The following ITPR2 variants were observed in gnomAD, a reference collection of about 807,000 sequenced individuals.
ITPR2 encodes inositol 1,4,5-trisphosphate receptor type 2, also known as inositol 1,4,5-trisphosphate-gated calcium channel ITPR2.
ITPR2 carries 207 observed loss-of-function variants against 317.1 expected under a neutral mutation model. The ratio of observed to expected loss-of-function variants is 0.65; its 90% CI spans 0.58 to 0.73. The LOEUF is 0.73. Among genes scored for constraint, ITPR2 ranks in the 30% least tolerant of loss-of-function variants. ITPR2 has a pLI of 0.00. For synonymous variants in ITPR2, 1,156 were observed against 1,149.1 expected, an observed-to-expected ratio of 1.01 and a Z score of -0.12; for missense variants, 2,613 against 3,284.0, an observed-to-expected ratio of 0.80 and a Z score of 4.99.
At chr12:26,832,548 C>T in intron 1 of ITPR2, 142 bp downstream of exon 1, 1 of 538,830 alleles carries the variant, frequency 1.9e-6, no homozygotes, top group Non-Finnish European at 3.2e-6. Flanking sequence ...GAGCGGAGCG[C>T]ACGGCGCTGT....
intron 55 of ITPR2, among the ~76,000 whole-genome samples, chr12:26,361,059 C>CA: frequency 6.6e-6 from 1 of 151,828 alleles, no homozygotes; most frequent in Non-Finnish European, 1.5e-5. Flanking sequence ...ACTAAAAATA[C>CA]AAAAAATTAG....
At chr12:26,728,636 A>G (rs191083387) in intron 2 of ITPR2, among the ~76,000 whole-genome samples, 1 of 152,148 alleles carries the variant, frequency 6.6e-6, no homozygotes, top group Non-Finnish European at 1.5e-5. Flanking sequence ...TTTAGAACAC[A>G]TTTTTAAAAA....
intron 1 of ITPR2, among the ~76,000 whole-genome samples, chr12:26,830,793 G>A (rs893276301): frequency 5.9e-5 from 9 of 152,010 alleles, no homozygotes; most frequent in Admixed American, 3.3e-4. Flanking sequence ...ATGGCTCACC[G>A]TCACCAAGGC....
chr12:26,661,421 C>T (rs1947501630), intron 15 of ITPR2, among the ~76,000 whole-genome samples: 1 of 152,058 alleles, frequency 6.6e-6, no homozygotes, highest in Non-Finnish European at 1.5e-5. Context: ...AGAGACAGAA[C>T]TGACACCAGG....
In ITPR2 at chr12:26,656,359, G is replaced by T. The variant is rs774959293; in HGVS notation, c.2382C>A (p.Ser794=). 6.2e-7 allele frequency: 1 copy of T among 1,614,168 alleles called. No homozygotes were observed. The highest frequency in any genetic ancestry group is 2.2e-5 in the East Asian group (1 of 44,876). The change falls in exon 19 of 57, where the codon TCC becomes TCA. Residue 794 remains serine (S), a synonymous_variant. Coordinates refer to ENST00000381340, the MANE Select transcript of ITPR2 (RefSeq NM_002223.4). The part of the protein sequence containing the change: ...HMHVDRDPQE[S]VVPVRYARLW... ...GCCTGGCATAGCGAACAGGCACCAC[G>T]GACTCCTGGGGATCCCGGTCAACGT...
chr12:26,820,601 A>G (rs2137291214), intron 1 of ITPR2, among the ~76,000 whole-genome samples: 1 of 152,342 alleles, frequency 6.6e-6, no homozygotes, highest in African/African-American at 2.4e-5. Context: ...TTACCATATG[A>G]CCCAGAAATT....
chr12:26,729,453 G>A (rs779518487), intron 2 of ITPR2, among the ~76,000 whole-genome samples: 1 of 152,136 alleles, frequency 6.6e-6, no homozygotes, highest in Non-Finnish European at 1.5e-5. Flanking sequence ...TCATTACTGG[G>A]TATATGCCCA....
Position 26,774,148 on chromosome 12 carries a change from A to C in ITPR2, c.163+16009T>G, listed in dbSNP as rs78207409. On this transcript the variant is annotated intron_variant, in intron 2 of 56. Coordinates refer to ENST00000381340, the MANE Select transcript of ITPR2 (RefSeq NM_002223.4). Reference sequence around the variant, plus strand: ...TTTTTGTCTTCTGTTATTTAAACTAAAGATTTGTTAGAATCCATACTGACA... The same window carrying C: ...TTTTTGTCTTCTGTTATTTAAACTACAGATTTGTTAGAATCCATACTGACA... 5.2e-3 allele frequency among the ~76,000 whole-genome samples: 789 copies of C among 152,250 alleles called. 9 individuals are homozygous for C. The highest frequency in any genetic ancestry group is 0.018 in the African/African-American group (749 of 41,542).
intron 21 of ITPR2, among the ~76,000 whole-genome samples, chr12:26,635,604 T>C (rs995118618): frequency 4.6e-5 from 7 of 152,214 alleles, no homozygotes; most frequent in Non-Finnish European, 1.0e-4. Flanking sequence ...AAACTATTAT[T>C]TTCCCTGAAA....
At chr12:26,573,096 C>T (rs1200190806) in intron 34 of ITPR2, among the ~76,000 whole-genome samples, 1 of 151,780 alleles carries the variant, frequency 6.6e-6, no homozygotes, top group Non-Finnish European at 1.5e-5. Context: ...GCGAACATAG[C>T]TCATTGAAGC....
chr12:26,508,949 T>C lies in ITPR2; in HGVS notation c.5074-13689A>G, dbSNP rs147427002. On this transcript the variant is annotated intron_variant, in intron 37 of 56. Transcript: ENST00000381340. Reference sequence around the variant, plus strand: ...CCACACAAGAACTTGTACAGAATGTTCATTGTGGCATGATCCATAATAGTA... The same window carrying C: ...CCACACAAGAACTTGTACAGAATGTCCATTGTGGCATGATCCATAATAGTA... 1.2e-4 allele frequency among the ~76,000 whole-genome samples: 19 copies of C among 152,358 alleles called. No individual in the cohort carries two copies. In the East Asian group the frequency reaches 3.7e-3, roughly 29 times the overall value.
intron 2 of ITPR2, among the ~76,000 whole-genome samples, chr12:26,777,412 A>G (rs1949993634): frequency 6.6e-6 from 1 of 152,234 alleles, no homozygotes; most frequent in Admixed American, 6.5e-5. Flanking sequence ...TAGTAGGAAC[A>G]ACAGTCACTC....
intron 15 of ITPR2, among the ~76,000 whole-genome samples, chr12:26,661,354 T>G (rs1285403355): frequency 6.7e-6 from 1 of 149,812 alleles, no homozygotes; most frequent in East Asian, 2.0e-4. Flanking sequence ...ACGCACACAC[T>G]GATCCCTGGC....
chr12:26,440,066 G>A (rs1014033587), intron 46 of ITPR2, among the ~76,000 whole-genome samples: 2 of 152,150 alleles, frequency 1.3e-5, no homozygotes, highest in Admixed American at 6.5e-5. Context: ...TAACCCAAAC[G>A]AGTAATTCTG....
chr12:26,829,508 T>C (rs910030645), intron 1 of ITPR2, among the ~76,000 whole-genome samples: 1 of 152,064 alleles, frequency 6.6e-6, no homozygotes, highest in Non-Finnish European at 1.5e-5. Context: ...ACCTGGCTAA[T>C]TTTTTATATT....
intron 48 of ITPR2, among the ~76,000 whole-genome samples, chr12:26,433,601 T>C (rs1315655477): frequency 6.6e-6 from 1 of 152,094 alleles, no homozygotes; most frequent in Non-Finnish European, 1.5e-5. Context: ...CACTGTTAAA[T>C]ATAAAGATTT....
chr12:26,360,949 C>T (rs566467965), intron 55 of ITPR2, among the ~76,000 whole-genome samples: 1 of 152,184 alleles, frequency 6.6e-6, no homozygotes, highest in South Asian at 2.1e-4. Flanking sequence ...CGCCATGGCT[C>T]ACGCCTGTAA....
intron 55 of ITPR2, among the ~76,000 whole-genome samples, chr12:26,358,654 G>A (rs1210086886): frequency 6.6e-6 from 1 of 151,846 alleles, no homozygotes; most frequent in Non-Finnish European, 1.5e-5. Flanking sequence ...AATTGATGAT[G>A]TTGGGCACAT....
intron 49 of ITPR2, among the ~76,000 whole-genome samples, chr12:26,422,134 A>G (rs943134655): frequency 4.0e-5 from 6 of 150,288 alleles, no homozygotes; most frequent in South Asian, 4.2e-4. Flanking sequence ...TTATTTACTA[A>G]TTATTTACTA....
Sources: gnomAD v4.1 joint callset for allele counts (sites outside exome capture counted in the v4.1 genomes callset) on GRCh38, gnomAD v4.1.1 for gene constraint, MANE v1.5 for transcripts, NCBI Gene and HGNC (gene_info 2026-07-23, HGNC 2026-07-21) for gene names.